PDK1: variants seen among roughly 807,000 people sequenced by gnomAD.
PDK1 encodes pyruvate dehydrogenase kinase 1.
Under a neutral mutation model 54.2 loss-of-function variants are expected in PDK1, and 39 were observed. The observed-to-expected ratio is 0.72, with a 90% CI of 0.56 to 0.94. The LOEUF (loss-of-function observed/expected upper bound fraction) is 0.94, where lower values mean the gene tolerates loss of function less well. Ranked by LOEUF, PDK1 falls within the 40% of genes least tolerant of loss-of-function variation. The pLI, the probability that PDK1 is intolerant of heterozygous loss-of-function variation, is 0.00. For missense variants in PDK1, 552 were observed against 566.0 expected (o/e 0.98, Z 0.25); for synonymous variants, 221 against 207.1 (o/e 1.07, Z -0.58).
chr2:172,610,176 A>G (rs1303968898), downstream of PDK1, among the ~76,000 whole-genome samples: 1 of 151,946 alleles, frequency 6.6e-6, no homozygotes, highest in African/African-American at 2.4e-5. Context: ...GTCATCTAGT[A>G]TATCCTTTGC....
chr2:172,636,254 G>T, the PDK1 span, among the ~76,000 whole-genome samples: 1 of 152,182 alleles, frequency 6.6e-6, no homozygotes, highest in Non-Finnish European at 1.5e-5. Context: ...GGTTCTTCAG[G>T]CTGTACAGGA....
At chr2:172,671,092 CTT>C in the PDK1 span, among the ~76,000 whole-genome samples, 4 of 140,052 alleles carry the variant, frequency 2.9e-5, no homozygotes, top group Admixed American at 7.1e-5. Context: ...TTTTGGGTGT[CTT>C]TTTTTTTTTT....
At chr2:172,688,825 G>T in the PDK1 span, among the ~76,000 whole-genome samples, 1 of 152,080 alleles carries the variant, frequency 6.6e-6, no homozygotes, top group Admixed American at 6.6e-5. Context: ...GCAGCCAGAG[G>T]CTGTCAGTCA....
intron 5 of PDK1, among the ~76,000 whole-genome samples, 163 bp from the exon 6 acceptor site, chr2:172,566,693 C>CAAAA (rs764324321): frequency 3.4e-5 from 2 of 59,556 alleles, no homozygotes; most frequent in Admixed American, 1.9e-4. Context: ...ATGTCTCTAC[C>CAAAA]AAAAAAAAAA....
the PDK1 span, among the ~76,000 whole-genome samples, chr2:172,704,858 C>T: frequency 3.6e-4 from 55 of 152,248 alleles, no homozygotes; most frequent in Middle Eastern, 0.01. Flanking sequence ...GAAACTTTTC[C>T]CCGTACTCTT....
At chr2:172,558,597 T>G in intron 1 of PDK1, 111 bp from the exon 2 acceptor site, 1 of 931,180 alleles carries the variant, frequency 1.1e-6, no homozygotes, top group Non-Finnish European at 1.6e-6. Context: ...ATCGTGGTGA[T>G]TCTATCCCTC....
chr2:172,676,532 ATGAAGCC>A, the PDK1 span, among the ~76,000 whole-genome samples: 1 of 152,222 alleles, frequency 6.6e-6, no homozygotes, highest in African/African-American at 2.4e-5. Flanking sequence ...AGAATTAGAA[ATGAAGCC>A]TGGAGATGTG....
Position 172,577,417 on chromosome 2 carries a change from T to C in PDK1, c.945+6593T>C, listed in dbSNP as rs531260436. Among the ~76,000 whole-genome samples the C allele has an allele frequency of 2.4e-4, 37 of 152,252 alleles. No individual in the cohort carries two copies. In the Middle Eastern group the frequency reaches 0.01, roughly 42 times the overall value. ...CCACCTTTTAATTGGAATGTTCAGA[T>C]CAATTAAATTTAATATAATTACTAT... On this transcript the variant is annotated intron_variant, in intron 8 of 10. Transcript: ENST00000282077.
chr2:172,640,597 G>T, the PDK1 span, among the ~76,000 whole-genome samples: 1 of 152,236 alleles, frequency 6.6e-6, no homozygotes, highest in Non-Finnish European at 1.5e-5. Flanking sequence ...TTTGTTCAGG[G>T]TGTTTTGCTT....
At chr2:172,656,451 T>TG in the PDK1 span, among the ~76,000 whole-genome samples, 1 of 152,176 alleles carries the variant, frequency 6.6e-6, no homozygotes, top group South Asian at 2.1e-4. Flanking sequence ...GTCTCCCCCA[T>TG]GCTCCTCCCT....
chr2:172,556,001 C>T, upstream of PDK1: 1 of 495,688 alleles, frequency 2.0e-6, no homozygotes, highest in Non-Finnish European at 3.3e-6. Flanking sequence ...CCCAGCGGCG[C>T]AGGGGGCCGG....
chr2:172,559,208 A>C lies in PDK1; in HGVS notation c.338+359A>C, dbSNP rs192812760. Among the ~76,000 whole-genome samples the C allele has an allele frequency of 9.3e-3, 1,419 of 152,236 alleles. 22 individuals are homozygous for C. The highest frequency in any genetic ancestry group is 0.033 in the African/African-American group (1,354 of 41,528). On this transcript the variant is annotated intron_variant, in intron 2 of 10. Coordinates refer to ENST00000282077, the MANE Select transcript of PDK1 (RefSeq NM_002610.5). Reference sequence around the variant, plus strand: ...GTGATCCACCCACCTTGGCCTCCCAAAGTGCTGGGATTACAGACGTGAGCC... The same window carrying C: ...GTGATCCACCCACCTTGGCCTCCCACAGTGCTGGGATTACAGACGTGAGCC...
the PDK1 span, among the ~76,000 whole-genome samples, chr2:172,650,016 A>T: frequency 6.6e-6 from 1 of 152,288 alleles, no homozygotes; most frequent in South Asian, 2.1e-4. Flanking sequence ...TGAGAAGAGC[A>T]ACTCCAAGAC....
At chr2:172,688,497 C>A in the PDK1 span, among the ~76,000 whole-genome samples, 31 of 152,198 alleles carry the variant, frequency 2.0e-4, no homozygotes, top group Admixed American at 8.5e-4. Context: ...CCCCATCTTA[C>A]TGACTGTTGT....
chr2:172,575,209 AT>A (rs1360610591), intron 8 of PDK1, among the ~76,000 whole-genome samples: 1 of 152,032 alleles, frequency 6.6e-6, no homozygotes, highest in Non-Finnish European at 1.5e-5. Flanking sequence ...ATAAGTCTCA[AT>A]TTTTTTATGG....
chr2:172,566,196 A>AT (rs200847801), intron 5 of PDK1, among the ~76,000 whole-genome samples: 2,477 of 151,778 alleles, frequency 0.016, 58 homozygotes, highest in African/African-American at 0.055. Context: ...AGACTTTTAC[A>AT]TTTTTTTTGT....
the PDK1 span, among the ~76,000 whole-genome samples, chr2:172,679,448 T>TAACAAC: frequency 3.9e-5 from 6 of 152,086 alleles, no homozygotes; most frequent in South Asian, 6.2e-4. Context: ...CTCTGTCTCT[T>TAACAAC]AACAACAACA....
chr2:172,627,151 A>G, the PDK1 span, among the ~76,000 whole-genome samples: 2 of 152,230 alleles, frequency 1.3e-5, no homozygotes, highest in African/African-American at 2.4e-5. Flanking sequence ...ACGGCTGAGA[A>G]CATTGTCTGA....
chr2:172,662,493 C>CGTGTGTGTGT, the PDK1 span, among the ~76,000 whole-genome samples: 1,935 of 143,600 alleles, frequency 0.013, 26 homozygotes, highest in Middle Eastern at 0.024. Flanking sequence ...TTTTTAAAAT[C>CGTGTGTGTGT]GTGTGTGTGT....
Sources: allele counts gnomAD v4.1 joint callset (sites outside exome capture counted in the v4.1 genomes callset), GRCh38; gene constraint gnomAD v4.1.1; transcripts MANE v1.5; gene names NCBI Gene and HGNC (gene_info 2026-07-23, HGNC 2026-07-21).